The following TENM2 variants were observed in gnomAD, a reference collection of about 807,000 sequenced individuals.
The protein encoded by TENM2 is teneurin-2.
TENM2 carries 52 observed loss-of-function variants against 245.2 expected under a neutral mutation model. That is an observed-to-expected ratio of 0.21 (90% CI 0.17 to 0.27). TENM2 has a LOEUF of 0.27. TENM2 is among the 10% of genes least tolerant of loss of function. The probability of loss-of-function intolerance (pLI) is 1.00; values close to 1 mark genes in which losing one functional copy is unlikely to be tolerated. For synonymous variants in TENM2, 1,363 were observed against 1,438.9 expected, an observed-to-expected ratio of 0.95 and a Z score of 1.19; for missense variants, 3,046 against 3,666.8, an observed-to-expected ratio of 0.83 and a Z score of 4.37.
the TENM2 span, among the ~76,000 whole-genome samples, chr5:167,003,561 A>T: frequency 9.8e-5 from 15 of 152,316 alleles, no homozygotes; most frequent in East Asian, 2.9e-3. Flanking sequence ...ATTTATTGTG[A>T]CGAAAATGTC....
At chr5:167,692,284 G>A (rs1187874192) in intron 2 of TENM2, among the ~76,000 whole-genome samples, 1 of 152,168 alleles carries the variant, frequency 6.6e-6, no homozygotes, top group Non-Finnish European at 1.5e-5. Flanking sequence ...ATTGGCCGAA[G>A]GCAATTGCCC....
intron 2 of TENM2, among the ~76,000 whole-genome samples, chr5:167,545,896 A>G (rs1236558908): frequency 6.6e-6 from 1 of 152,228 alleles, no homozygotes; most frequent in Non-Finnish European, 1.5e-5. Context: ...TAGCAATAAT[A>G]TTGGTAAGGA....
At chr5:167,739,345 G>C (rs1761015920) in intron 2 of TENM2, among the ~76,000 whole-genome samples, 1 of 152,146 alleles carries the variant, frequency 6.6e-6, no homozygotes, top group Non-Finnish European at 1.5e-5. Context: ...ATTCCTTATG[G>C]CTTCTCTGTT....
intron 2 of TENM2, among the ~76,000 whole-genome samples, chr5:167,767,709 G>C (rs1022918245): frequency 3.3e-5 from 5 of 152,208 alleles, no homozygotes; most frequent in Non-Finnish European, 5.9e-5. Flanking sequence ...GAGAATCTCA[G>C]GATTTAAAAC....
chr5:167,942,873 C>CA (rs1436130270), intron 3 of TENM2, among the ~76,000 whole-genome samples: 8 of 152,110 alleles, frequency 5.3e-5, no homozygotes, highest in African/African-American at 1.4e-4. Flanking sequence ...GTAGTTGAGC[C>CA]ATGTAGTCTT....
intron 2 of TENM2, among the ~76,000 whole-genome samples, chr5:167,491,039 C>T (rs1241234655): frequency 6.6e-6 from 1 of 152,138 alleles, no homozygotes; most frequent in African/African-American, 2.4e-5. Flanking sequence ...CACAGTGACA[C>T]AAGGAATAAG....
intron 1 of TENM2, among the ~76,000 whole-genome samples, chr5:167,327,094 A>C (rs973215839): frequency 7.2e-5 from 11 of 152,180 alleles, no homozygotes; most frequent in African/African-American, 2.7e-4. Context: ...TTACATATGT[A>C]TACATGTGCC....
At position 168,261,977 on chromosome 5, in the gene TENM2, C is replaced by G. The variant is rs1333049486; in HGVS notation, c.7564-72C>G. On this transcript the variant is annotated intron_variant, in intron 28 of 28. Coordinates refer to ENST00000518659, the Ensembl canonical transcript of TENM2. ...TCTTGCAGGAGAGTTCCAAGCCTTT[C>G]TCTTTGTGACTCTTTTTGAGAGAGC... 3.4e-6 allele frequency: 5 copies of G among 1,463,918 alleles called. No homozygotes were observed. In the East Asian group the frequency reaches 9.1e-5, roughly 27 times the overall value. 90.7% of individuals were successfully genotyped at this position (1,463,918 alleles called of 1,614,324 possible). A position where few individuals can be genotyped will look rare whatever the true frequency, so the allele number is the denominator to read the frequency against.
At chr5:167,750,449 C>A (rs1253841865) in intron 2 of TENM2, among the ~76,000 whole-genome samples, 1 of 152,032 alleles carries the variant, frequency 6.6e-6, no homozygotes, top group Non-Finnish European at 1.5e-5. Context: ...TTTTGACCTG[C>A]GCATTTTCTG....
chr5:167,281,821 A>C (rs1224976070), upstream of TENM2, among the ~76,000 whole-genome samples: 1 of 152,116 alleles, frequency 6.6e-6, no homozygotes, highest in Non-Finnish European at 1.5e-5. Flanking sequence ...CAACATGGTG[A>C]AACCCCGTCT....
intron 9 of TENM2, among the ~76,000 whole-genome samples, chr5:168,101,944 T>G (rs953150874): frequency 2.0e-4 from 30 of 152,238 alleles, no homozygotes; most frequent in Non-Finnish European, 2.8e-4. Context: ...CTTTGATCTT[T>G]CATGTACCAC....
intron 2 of TENM2, among the ~76,000 whole-genome samples, chr5:167,784,651 A>G (rs550887129): frequency 1.3e-5 from 2 of 152,338 alleles, no homozygotes; most frequent in South Asian, 2.1e-4. Context: ...GGTGCCAGGT[A>G]TATAAAACCA....
intron 3 of TENM2, among the ~76,000 whole-genome samples, chr5:167,935,514 A>T (rs182912045): frequency 1.3e-5 from 2 of 152,336 alleles, no homozygotes; most frequent in Admixed American, 1.3e-4. Context: ...CCCTTCAGTC[A>T]TGTAACAGAC....
intron 2 of TENM2, among the ~76,000 whole-genome samples, chr5:167,751,334 G>A (rs569061413): frequency 6.6e-6 from 1 of 152,288 alleles, no homozygotes; most frequent in Admixed American, 6.5e-5. Flanking sequence ...GTGAATAAAG[G>A]ATTATAAAGA....
chr5:166,990,722 A>G, the TENM2 span, among the ~76,000 whole-genome samples: 2 of 152,222 alleles, frequency 1.3e-5, no homozygotes, highest in Non-Finnish European at 2.9e-5. Flanking sequence ...AAACTTATAG[A>G]TTTCAAATAG....
chr5:167,067,219 CA>C, the TENM2 span, among the ~76,000 whole-genome samples: 8 of 152,064 alleles, frequency 5.3e-5, no homozygotes, highest in Non-Finnish European at 8.8e-5. Flanking sequence ...AACCCTTAAG[CA>C]AAATAAGATT....
the TENM2 span, among the ~76,000 whole-genome samples, chr5:167,254,179 G>A: frequency 2.0e-5 from 3 of 152,080 alleles, no homozygotes; most frequent in South Asian, 6.2e-4. Flanking sequence ...GAGCTTCCAA[G>A]GATCACAGTT....
In TENM2 at chr5:167,742,368, TA is replaced by T. The variant is rs75184865; in HGVS notation, c.503-133605del. Among the ~76,000 whole-genome samples, 374 of 142,378 alleles carry T rather than the reference TA, an allele frequency of 2.6e-3. 1 individual carries two copies. Among genetic ancestry groups the T allele is most frequent in the African/African-American group, 6.5e-3 (254 of 38,920 alleles). The allele number at this position is 142,378 out of a possible 152,430, so 93.4% of individuals were successfully genotyped here. A position where few individuals can be genotyped will look rare whatever the true frequency, so the allele number is the denominator to read the frequency against. ...TAACCCAACCTCTACATAGATAAAT[TA>T]AAAAAAAAAAAACCCTGAAGTTCAC... On this transcript the variant is annotated intron_variant, in intron 2 of 28. Transcript: ENST00000518659.
chr5:167,855,153 G>T (rs1276163969), intron 2 of TENM2, among the ~76,000 whole-genome samples: 1 of 152,082 alleles, frequency 6.6e-6, no homozygotes, highest in Non-Finnish European at 1.5e-5. Flanking sequence ...CCTGCTTGCT[G>T]TTCCTAGAAT....
Sources: gnomAD v4.1 joint callset for allele counts (sites outside exome capture counted in the v4.1 genomes callset) on GRCh38, gnomAD v4.1.1 for gene constraint, MANE v1.5 for transcripts, NCBI Gene and HGNC (gene_info 2026-07-23, HGNC 2026-07-21) for gene names.